DRICH1: variants seen among roughly 807,000 people sequenced by gnomAD.
The protein encoded by DRICH1 is aspartate rich 1.
DRICH1 carries 38 observed loss-of-function variants against 39.5 expected under a neutral mutation model. That is an observed-to-expected ratio of 0.96 (90% confidence interval 0.74 to 1.26). DRICH1 has a LOEUF of 1.26. Among genes scored for constraint, DRICH1 ranks in the 50% most tolerant of loss-of-function variants. The probability of loss-of-function intolerance (pLI) is 0.00; values close to 1 mark genes in which losing one functional copy is unlikely to be tolerated. For synonymous variants in DRICH1, 84 were observed against 99.5 expected, an observed-to-expected ratio of 0.84 and a Z score of 0.93; for missense variants, 279 against 270.4, an observed-to-expected ratio of 1.03 and a Z score of -0.22.
chr22:23,582,555 C>CTTATTA, the DRICH1 span, among the ~76,000 whole-genome samples: 2,906 of 143,840 alleles, frequency 0.02, 39 homozygotes, highest in South Asian at 0.028. Context: ...CCTTCAGGGG[C>CTTATTA]TTATTATTAT....
At chr22:23,606,346 G>C (rs1027035581), downstream of DRICH1, among the ~76,000 whole-genome samples, 2 of 152,122 alleles carry the variant, frequency 1.3e-5, no homozygotes, top group African/African-American at 4.8e-5. Flanking sequence ...TGTTTATGGG[G>C]GAGCCTTGCC....
chr22:23,628,651 AC>A (rs1928214756), intron 1 of DRICH1, among the ~76,000 whole-genome samples: 1 of 152,150 alleles, frequency 6.6e-6, no homozygotes, highest in Non-Finnish European at 1.5e-5. Context: ...TCCTCAAGTG[AC>A]TTCCATAAGA....
At chr22:23,624,794 AT>A in intron 3 of DRICH1, 88 bp downstream of exon 3, 6 of 1,465,554 alleles carry the variant, frequency 4.1e-6, no homozygotes, top group Admixed American at 1.7e-5. Context: ...GACCCCCAAT[AT>A]TTTTTAACAG....
chr22:23,601,146 G>GCACACACACACA, the DRICH1 span, among the ~76,000 whole-genome samples: 56 of 146,212 alleles, frequency 3.8e-4, 1 homozygote, highest in African/African-American at 1.2e-3. Context: ...ACGCACGCGC[G>GCACACACACACA]CACACACACA....
intron 3 of DRICH1, among the ~76,000 whole-genome samples, chr22:23,624,585 GTTCTCCAGAATCCACTCTTTAGGA>G (rs1445141639): frequency 1.3e-5 from 2 of 152,092 alleles, no homozygotes; most frequent in Admixed American, 6.6e-5. Flanking sequence ...CCCCACTAAA[GTTCTCCAGAATCCACTCTTTAGGA>G]TTCTGGTATC....
At chr22:23,611,965 G>C (rs1485903272) in intron 11 of DRICH1, among the ~76,000 whole-genome samples, 4 of 152,248 alleles carry the variant, frequency 2.6e-5, no homozygotes, top group South Asian at 2.1e-4. Context: ...GAGTCCGTGA[G>C]GATTTGGAGA....
the DRICH1 span, among the ~76,000 whole-genome samples, chr22:23,591,328 C>G: frequency 6.6e-6 from 1 of 152,336 alleles, no homozygotes; most frequent in South Asian, 2.1e-4. Context: ...CACACTTACA[C>G]TCTCAAGGAC....
At chr22:23,614,475 C>T (rs973466077) in intron 8 of DRICH1, among the ~76,000 whole-genome samples, 5 of 152,216 alleles carry the variant, frequency 3.3e-5, no homozygotes, top group African/African-American at 1.2e-4. Flanking sequence ...AAAATGCACA[C>T]TAAGGGTCAG....
chr22:23,616,906 A>T, intron 7 of DRICH1, 32 bp from the exon 8 acceptor site: 4 of 1,612,966 alleles, frequency 2.5e-6, no homozygotes, highest in Non-Finnish European at 3.4e-6. Context: ...TGCTGTAAGG[A>T]TCAGATCAAT....
intron 4 of DRICH1, among the ~76,000 whole-genome samples, chr22:23,621,761 A>G (rs1239528757): frequency 6.6e-6 from 1 of 152,192 alleles, no homozygotes; most frequent in African/African-American, 2.4e-5. Flanking sequence ...TAAGAATACA[A>G]AAATTATCTG....
the DRICH1 span, among the ~76,000 whole-genome samples, chr22:23,589,259 T>G: frequency 6.6e-6 from 1 of 152,108 alleles, no homozygotes; most frequent in Non-Finnish European, 1.5e-5. Context: ...AAGACCAGCC[T>G]GGGCAACATG....
chr22:23,599,333 C>T, the DRICH1 span, among the ~76,000 whole-genome samples: 2 of 152,220 alleles, frequency 1.3e-5, no homozygotes, highest in Admixed American at 6.5e-5. Context: ...TCCTATGCAC[C>T]CCGCAGGGCC....
chr22:23,620,681 C>T (rs1927670549), intron 4 of DRICH1, 66 bp from the exon 5 acceptor site: 1 of 1,564,684 alleles, frequency 6.4e-7, no homozygotes, highest in African/African-American at 1.3e-5. Flanking sequence ...TTACACAGAT[C>T]TGTTATTCTC....
the DRICH1 span, among the ~76,000 whole-genome samples, chr22:23,582,266 C>G: frequency 6.6e-6 from 1 of 151,212 alleles, no homozygotes; most frequent in East Asian, 1.9e-4. Flanking sequence ...CGTGAGCCAC[C>G]GCAACTGGCT....
chr22:23,587,272 C>T, the DRICH1 span, among the ~76,000 whole-genome samples: 1 of 152,154 alleles, frequency 6.6e-6, no homozygotes, highest in Admixed American at 6.5e-5. Flanking sequence ...AGACACCCAA[C>T]TCAAATGGCC....
the DRICH1 span, among the ~76,000 whole-genome samples, chr22:23,589,468 A>G: frequency 6.8e-6 from 1 of 147,222 alleles, no homozygotes; most frequent in East Asian, 2.1e-4. Context: ...AACCCAAAAA[A>G]CATACATATG....
At chr22:23,598,855 C>T in the DRICH1 span, among the ~76,000 whole-genome samples, 7 of 152,036 alleles carry the variant, frequency 4.6e-5, no homozygotes, top group East Asian at 1.9e-4. Flanking sequence ...AGGTGTGCTC[C>T]GATGTGAGCT....
the DRICH1 span, among the ~76,000 whole-genome samples, chr22:23,596,708 C>T: frequency 6.6e-6 from 1 of 152,146 alleles, no homozygotes; most frequent in Non-Finnish European, 1.5e-5. Context: ...TTGATTTCTA[C>T]CTTCATTCTA....
chr22:23,625,852 C>T lies in DRICH1; in HGVS notation c.276+129G>A, dbSNP rs545814147. 2.1e-5 allele frequency: 15 copies of T among 722,192 alleles called. No individual in the cohort carries two copies. The Admixed American group carries it at 3.4e-4, about 16-fold the overall frequency. 44.7% of individuals were successfully genotyped at this position (722,192 alleles called of 1,614,324 possible). A position where few individuals can be genotyped will look rare whatever the true frequency, so the allele number is the denominator to read the frequency against. ...TGTCTGCACCCAGATCTTGCAAGAC[C>T]ATCATTAAAAGTCTTACTTTTGCTG... On this transcript the variant is annotated intron_variant, in intron 2 of 11. Coordinates refer to ENST00000317749, the MANE Select transcript of DRICH1 (RefSeq NM_016449.4).
Sources: allele counts gnomAD v4.1 joint callset (sites outside exome capture counted in the v4.1 genomes callset), GRCh38; gene constraint gnomAD v4.1.1; transcripts MANE v1.5; gene names NCBI Gene and HGNC (gene_info 2026-07-23, HGNC 2026-07-21).